GNA15: variants seen among roughly 807,000 people sequenced by gnomAD.
GNA15 encodes the protein guanine nucleotide-binding protein subunit alpha-15.
GNA15 carries 23 observed loss-of-function variants against 40.1 expected under a neutral mutation model. The ratio of observed to expected loss-of-function variants is 0.57; its 90% CI spans 0.41 to 0.81. The LOEUF is 0.81. GNA15 is among the 40% of genes least tolerant of loss of function. GNA15 has a pLI of 0.00. For missense variants in GNA15, 522 were observed against 515.8 expected (o/e 1.01, Z -0.12); for synonymous variants, 226 against 210.4 (o/e 1.07, Z -0.64).
chr19:3,136,624 G>C lies in GNA15; in HGVS notation c.145+29G>C. The C allele has an allele frequency of 1.4e-5, 21 of 1,540,182 alleles. No homozygotes were observed. The highest frequency in any genetic ancestry group is 1.8e-5 in the Non-Finnish European group (21 of 1,139,734). Reference sequence around the variant, plus strand: ...AGTCCAGGGTCGGTGGGCGGTGGGTGGTGGGCAGTGGGCGGTGGCCAGCCG... The same window carrying C: ...AGTCCAGGGTCGGTGGGCGGTGGGTCGTGGGCAGTGGGCGGTGGCCAGCCG... On this transcript the variant is annotated intron_variant, in intron 1 of 6. Coordinates refer to ENST00000262958, the MANE Select transcript of GNA15 (RefSeq NM_002068.4). This position sits in a 1 kb window ranked among gnomAD's most constrained non-coding sequence, Gnocchi z 4.9.
intron 5 of GNA15, among the ~76,000 whole-genome samples, chr19:3,156,291 CGGGACACAT>C (rs1257640321): frequency 2.6e-5 from 4 of 151,888 alleles, no homozygotes; most frequent in African/African-American, 9.7e-5. Flanking sequence ...CGTGCACACA[CGGGACACAT>C]GTACACACGC....
Position 3,136,423 on chromosome 19 carries a change from AC to A in GNA15, c.-25del, listed in dbSNP as rs1478157776. 3 of 1,544,802 alleles carry A rather than the reference AC, an allele frequency of 1.9e-6. No individual in the cohort carries two copies. The highest frequency in any genetic ancestry group is 2.6e-6 in the Non-Finnish European group (3 of 1,144,666). ...CCAGCAGGGGCCCGGGGGCGATGCC[AC>A]CCGGTGCCGACTGAGGCCACCGCAC... On this transcript the variant is annotated 5_prime_UTR_variant, in exon 1 of 7. The change abolishes the stop of an existing upstream ORF in the 5' untranslated region. Transcript: ENST00000262958. The surrounding 1 kb of genome is among the most constrained non-coding windows in gnomAD (Gnocchi z 4.9).
intron 5 of GNA15, among the ~76,000 whole-genome samples, chr19:3,156,408 C>A (rs977796192): frequency 6.7e-6 from 1 of 149,382 alleles, no homozygotes; most frequent in African/African-American, 2.5e-5. Flanking sequence ...TGTACACATG[C>A]GCACACACAT....
rs1568298562 is a variant in GNA15 at position 3,156,205 on chromosome 19, ACAG to A, written c.744+254_744+256del. On this transcript the variant is annotated intron_variant, in intron 5 of 6. Transcript: ENST00000262958. ...ACACACACACACACACACACACACT[ACAG>A]TGCACACACGCACATACACAATGCA... is the stretch of plus-strand genomic sequence containing the variant. 9.8e-4 allele frequency among the ~76,000 whole-genome samples: 19 copies of A among 19,306 alleles called. No homozygotes were observed. In the South Asian group the frequency reaches 0.011, roughly 11 times the overall value. The allele number at this position is 19,306 out of a possible 152,430, so 12.7% of individuals were successfully genotyped here. A position where few individuals can be genotyped will look rare whatever the true frequency, so the allele number is the denominator to read the frequency against.
rs1462163503 is a variant in GNA15 at position 3,148,728 on chromosome 19, G to A, written c.283G>A (p.Glu95Lys). The part of the protein sequence containing the change: ...NIFVSMRAMI[E>K]AMERLQIPFS... ...CTTCGTGTCCATGCGGGCCATGATC[G>A]AGGCCATGGAGCGGCTGCAGATTCC... Residue 95 changes from glutamate (E) to lysine (K), a missense_variant, in exon 2 of 7, where the codon GAG becomes AAG. Glu to Lys is a moderately conservative substitution (Grantham distance 56). Coordinates refer to ENST00000262958, the MANE Select transcript of GNA15 (RefSeq NM_002068.4). The A allele has an allele frequency of 6.2e-7, 1 of 1,603,570 alleles. No individual in the cohort carries two copies. Among genetic ancestry groups the A allele is most frequent in the South Asian group, 1.1e-5 (1 of 89,332 alleles).
At chr19:3,138,093 G>A (rs8108092) in intron 1 of GNA15, among the ~76,000 whole-genome samples, 42,950 of 151,654 alleles carry the variant, frequency 0.28, 6,231 homozygotes, top group Non-Finnish European at 0.32. Flanking sequence ...GCGAAACCCC[G>A]TCTCTACTCA....
At chr19:3,158,083 C>T (rs1004789118) in intron 6 of GNA15, among the ~76,000 whole-genome samples, 1 of 152,162 alleles carries the variant, frequency 6.6e-6, no homozygotes, top group Non-Finnish European at 1.5e-5. Context: ...ATAGCAGAGG[C>T]CCTTGGAACT....
intron 6 of GNA15, among the ~76,000 whole-genome samples, chr19:3,162,581 A>G (rs1915163074): frequency 6.6e-6 from 1 of 152,194 alleles, no homozygotes; most frequent in African/African-American, 2.4e-5. Flanking sequence ...TTCAGGTCAC[A>G]TGACTCGTGT....
At position 3,136,849 on chromosome 19, in the gene GNA15, C is replaced by T. The variant is rs1327458263; in HGVS notation, c.145+254C>T. On this transcript the variant is annotated intron_variant, in intron 1 of 6. Coordinates refer to ENST00000262958, the MANE Select transcript of GNA15 (RefSeq NM_002068.4). The surrounding 1 kb of genome is among the most constrained non-coding windows in gnomAD (Gnocchi z 4.9). ...GCCTGTCCACTGTGTGGGGCATATA[C>T]AATAGCAGACGTGGCTCTACCGGGC... 6.6e-6 allele frequency among the ~76,000 whole-genome samples: 1 copy of T among 152,258 alleles called. No individual in the cohort carries two copies. Among genetic ancestry groups the T allele is most frequent in the Non-Finnish European group, 1.5e-5 (1 of 68,042 alleles).
intron 1 of GNA15, among the ~76,000 whole-genome samples, chr19:3,142,584 G>A (rs765092051): frequency 3.4e-4 from 52 of 152,172 alleles, no homozygotes; most frequent in Non-Finnish European, 6.8e-4. Flanking sequence ...AAAAGGTCCA[G>A]TCCTGGCTGG....
chr19:3,138,084 C>T (rs1355602434), intron 1 of GNA15, among the ~76,000 whole-genome samples: 1 of 151,752 alleles, frequency 6.6e-6, no homozygotes, highest in East Asian at 1.9e-4. Flanking sequence ...GTCAACGTGG[C>T]GAAACCCCGT....
chr19:3,153,095 A>G lies in GNA15; in HGVS notation c.614+1260A>G, dbSNP rs553805781. Among the ~76,000 whole-genome samples, 227 of 152,168 alleles carry G rather than the reference A, an allele frequency of 1.5e-3. 1 individual carries two copies. The highest frequency in any genetic ancestry group is 5.3e-3 in the African/African-American group (220 of 41,502). On this transcript the variant is annotated intron_variant, in intron 4 of 6. Coordinates refer to ENST00000262958, the MANE Select transcript of GNA15 (RefSeq NM_002068.4). ...GCTGCTGCTCACTCTTTGGGTCCAC[A>G]CCACCTTTAAGAGCTGTAACACTTA...
intron 1 of GNA15, among the ~76,000 whole-genome samples, chr19:3,139,724 C>G (rs1460852383): frequency 6.6e-6 from 1 of 151,838 alleles, no homozygotes; most frequent in African/African-American, 2.4e-5. Context: ...ACGATGAAAC[C>G]CCGTCTCTAC....
intron 1 of GNA15, among the ~76,000 whole-genome samples, chr19:3,145,359 A>ATATATTTTTTTT: frequency 4.3e-5 from 2 of 46,972 alleles, no homozygotes; most frequent in African/African-American, 1.8e-4. Flanking sequence ...ATATATATAT[A>ATATATTTTTTTT]TTTTTTTTTT....
intron 4 of GNA15, among the ~76,000 whole-genome samples, chr19:3,153,406 A>T (rs1914926918): frequency 6.6e-6 from 1 of 150,894 alleles, no homozygotes; most frequent in Non-Finnish European, 1.5e-5. Context: ...CAATGGATAG[A>T]TGGATGAGTG....
chr19:3,152,642 G>C (rs1914906061), intron 4 of GNA15, among the ~76,000 whole-genome samples: 2 of 152,168 alleles, frequency 1.3e-5, no homozygotes, highest in Admixed American at 6.5e-5. Context: ...ACAGTGAGAA[G>C]AATGACTCTG....
intron 1 of GNA15, among the ~76,000 whole-genome samples, chr19:3,144,189 C>T (rs2144844261): frequency 1.3e-5 from 2 of 151,682 alleles, no homozygotes; most frequent in Middle Eastern, 3.4e-3. Flanking sequence ...TGGTGGGACT[C>T]CAGCTCTTAG....
Position 3,148,610 on chromosome 19 carries a change from G to A in GNA15, c.165G>A (p.Lys55=). 1.3e-6 allele frequency: 2 copies of A among 1,584,028 alleles called. No individual in the cohort carries two copies. Among genetic ancestry groups the A allele is most frequent in the South Asian group, 2.3e-5 (2 of 87,416 alleles). The part of the protein sequence containing the change: ...LLLLGPGESG[K]STFIKQMRII... ...CCCCAGGCCCAGGCGAGAGCGGGAA[G>A]AGCACCTTCATCAAGCAGATGCGGA... Residue 55 remains lysine, a synonymous_variant, in exon 2 of 7, where the codon AAG becomes AAA. Coordinates refer to ENST00000262958, the MANE Select transcript of GNA15 (RefSeq NM_002068.4).
At chr19:3,161,948 G>A (rs1008217688) in intron 6 of GNA15, among the ~76,000 whole-genome samples, 2 of 151,784 alleles carry the variant, frequency 1.3e-5, no homozygotes, top group Admixed American at 6.6e-5. Context: ...CAGGAGAATC[G>A]CTTGAACCCA....
Sources: gnomAD v4.1 joint callset for allele counts (sites outside exome capture counted in the v4.1 genomes callset) on GRCh38, gnomAD v4.1.1 for gene constraint, Gnocchi (gnomAD v3.1) non-coding constraint, MANE v1.5 for transcripts, NCBI Gene and HGNC (gene_info 2026-07-23, HGNC 2026-07-21) for gene names.